Variants in LOC122539214 observed in about 807,000 individuals in gnomAD.
At chr19:52,651,567 C>T in the LOC122539214 span, 12,332 of 152,320 alleles carry the variant, frequency 0.081, 542 homozygotes, top group Middle Eastern at 0.11. Flanking sequence ...TCTGAAATCC[C>T]AGCTACTTGG....
chr19:52,684,415 G>A, the LOC122539214 span, among the ~76,000 whole-genome samples: 1 of 151,810 alleles, frequency 6.6e-6, no homozygotes, highest in Non-Finnish European at 1.5e-5. Flanking sequence ...CAGGTGTGGT[G>A]GCACACCCCT....
the LOC122539214 span, among the ~76,000 whole-genome samples, chr19:52,676,591 C>T: frequency 6.6e-6 from 1 of 151,232 alleles, no homozygotes; most frequent in Admixed American, 6.6e-5. Context: ...AAGTGAGGAG[C>T]CCCTCTGCCT....
the LOC122539214 span, among the ~76,000 whole-genome samples, chr19:52,688,915 T>A: frequency 7.4e-6 from 1 of 134,622 alleles, no homozygotes; most frequent in Middle Eastern, 4.5e-3. Flanking sequence ...ATGAATGGGC[T>A]CCAGACACCC....
chr19:52,676,156 T>G, the LOC122539214 span, among the ~76,000 whole-genome samples: 5 of 152,194 alleles, frequency 3.3e-5, no homozygotes, highest in East Asian at 9.7e-4. Flanking sequence ...GGTTTTCGTA[T>G]TTTTTTGGTG....
the LOC122539214 span, among the ~76,000 whole-genome samples, chr19:52,685,008 A>T: frequency 4.5e-4 from 69 of 152,284 alleles, no homozygotes; most frequent in Non-Finnish European, 6.8e-4. Flanking sequence ...TCATACAGAG[A>T]AAGGCCCCGA....
At chr19:52,689,923 G>C in the LOC122539214 span, among the ~76,000 whole-genome samples, 1 of 152,244 alleles carries the variant, frequency 6.6e-6, no homozygotes, top group African/African-American at 2.4e-5. Flanking sequence ...GAGAAGCGGT[G>C]ACTGCGGAGG....
chr19:52,663,005 G>A, the LOC122539214 span, among the ~76,000 whole-genome samples: 4 of 151,838 alleles, frequency 2.6e-5, no homozygotes, highest in Non-Finnish European at 4.4e-5. Flanking sequence ...TCTATGAAAA[G>A]TACAAAAAAT....
At chr19:52,650,948 C>G in the LOC122539214 span, 13 of 152,284 alleles carry the variant, frequency 8.5e-5, no homozygotes, top group East Asian at 2.3e-3. Context: ...AAGTTAAAAA[C>G]TCCCAGGGAA....
the LOC122539214 span, chr19:52,650,967 A>G: frequency 6.6e-6 from 1 of 152,242 alleles, no homozygotes; most frequent in Non-Finnish European, 1.5e-5. Context: ...AAACAGTGAA[A>G]AGAAACCAAT....
the LOC122539214 span, among the ~76,000 whole-genome samples, chr19:52,687,598 T>A: frequency 0.018 from 444 of 25,274 alleles, 10 homozygotes; most frequent in African/African-American, 0.12. Context: ...ATATATATAA[T>A]GTATATATAT....
chr19:52,665,451 G>T, the LOC122539214 span, among the ~76,000 whole-genome samples: 1 of 151,942 alleles, frequency 6.6e-6, no homozygotes, highest in African/African-American at 2.4e-5. Context: ...CCTTGTAACA[G>T]TGCATATAAA....
At chr19:52,668,862 TG>T in the LOC122539214 span, among the ~76,000 whole-genome samples, 36 of 152,272 alleles carry the variant, frequency 2.4e-4, 1 homozygote, top group African/African-American at 8.2e-4. Flanking sequence ...TTCTACATCC[TG>T]GGGTAACAAG....
chr19:52,683,515 G>A, the LOC122539214 span, among the ~76,000 whole-genome samples: 5 of 26,892 alleles, frequency 1.9e-4, 1 homozygote, highest in Non-Finnish European at 3.8e-4. Flanking sequence ...CTTCCTGAAG[G>A]GAATCCAAAG....
chr19:52,656,224 CTCTATA>C, the LOC122539214 span, among the ~76,000 whole-genome samples: 1 of 124,660 alleles, frequency 8.0e-6, no homozygotes, highest in South Asian at 2.5e-4. Context: ...CTCTCTCTCT[CTCTATA>C]TATATATATA....
the LOC122539214 span, among the ~76,000 whole-genome samples, chr19:52,686,825 G>C: frequency 2.0e-5 from 3 of 151,976 alleles, no homozygotes; most frequent in African/African-American, 4.8e-5. Flanking sequence ...CTCTCACCTC[G>C]GTCTCCCAAA....
At chr19:52,676,133 G>A in the LOC122539214 span, among the ~76,000 whole-genome samples, 21 of 152,226 alleles carry the variant, frequency 1.4e-4, no homozygotes, top group African/African-American at 2.2e-4. Flanking sequence ...GGCGCGCGCC[G>A]CCACGCCTGA....
At chr19:52,657,916 C>A in the LOC122539214 span, among the ~76,000 whole-genome samples, 1 of 151,124 alleles carries the variant, frequency 6.6e-6, no homozygotes, top group African/African-American at 2.4e-5. Flanking sequence ...GCGGGGGGAT[C>A]ACCTGAGGTT....
the LOC122539214 span, among the ~76,000 whole-genome samples, chr19:52,679,250 C>T: frequency 3.3e-5 from 5 of 152,168 alleles, no homozygotes; most frequent in African/African-American, 2.4e-5. Flanking sequence ...TTAGAGAAGA[C>T]GATCATTAGT....
the LOC122539214 span, among the ~76,000 whole-genome samples, chr19:52,684,975 C>T: frequency 2.0e-5 from 3 of 152,154 alleles, no homozygotes; most frequent in African/African-American, 7.2e-5. Flanking sequence ...ACATGACCTG[C>T]TTTAGATTTG....
Sources: allele counts gnomAD v4.1 joint callset (sites outside exome capture counted in the v4.1 genomes callset), GRCh38; gene constraint gnomAD v4.1.1; transcripts MANE v1.5.